The following GAB3 variants were observed in gnomAD, a reference collection of about 807,000 sequenced individuals.
The protein encoded by GAB3 is GRB2-associated-binding protein 3.
GAB3 carries 12 observed loss-of-function variants against 40.4 expected under a neutral mutation model. The ratio of observed to expected loss-of-function variants is 0.30; its 90% CI spans 0.19 to 0.48. GAB3 has a LOEUF of 0.48. Ranked by LOEUF, GAB3 falls within the 20% of genes least tolerant of loss-of-function variation. The pLI, the probability that GAB3 is intolerant of heterozygous loss-of-function variation, is 0.99. For synonymous variants in GAB3, 154 were observed against 176.7 expected (o/e 0.87, Z 1.02); for missense variants, 381 against 461.9 (o/e 0.82, Z 1.61).
chrX:154,700,194 A>G, intron 4 of GAB3, 135 bp from the exon 5 acceptor site: 2 of 472,639 alleles, frequency 4.2e-6, no homozygotes, highest in Non-Finnish European at 7.2e-6. Flanking sequence ...TTTCCCCAAC[A>G]GATGAAAAAT....
rs1435574138 is a variant in GAB3, at chrX:154,676,634, G to T, written c.*1544C>A. Reference sequence around the variant, plus strand: ...TCTTTGAAAATCAAAATGACTTCTTGTATGGTCTGAAAAAAGAAGACTTTG... The same window carrying T: ...TCTTTGAAAATCAAAATGACTTCTTTTATGGTCTGAAAAAAGAAGACTTTG... On this transcript the variant is annotated 3_prime_UTR_variant, in exon 10 of 10. Transcript: ENST00000424127. 1.8e-5 allele frequency: 2 copies of T among 112,172 alleles called. No homozygotes were observed. Among genetic ancestry groups the T allele is most frequent in the Non-Finnish European group, 3.8e-5 (2 of 53,183 alleles). The allele number at this position is 112,172 out of a possible 1,213,427, so 9.2% of individuals were successfully genotyped here.
In GAB3 at chrX:154,687,633, CAAAAAAAAAAAA is replaced by C. The variant is rs144999605; in HGVS notation, c.1531-7397_1531-7386del. Reference sequence around the variant, plus strand: ...TGGGTGACAGAGCGAGACTCTGTCTCAAAAAAAAAAAAAAAAAAAAAAAAGTCTTAGCAGGAT... The same window carrying C: ...TGGGTGACAGAGCGAGACTCTGTCTCAAAAAAAAAAAAGTCTTAGCAGGAT... On this transcript the variant is annotated intron_variant, in intron 8 of 9. Transcript: ENST00000424127. 1.3e-4 allele frequency among the ~76,000 whole-genome samples: 3 copies of C among 23,393 alleles called. No homozygotes were observed. In the East Asian group the frequency reaches 4.2e-3, roughly 33 times the overall value. 20.3% of individuals were successfully genotyped at this position (23,393 alleles called of 115,157 possible).
At chrX:154,700,522 A>G (rs73561405) in intron 4 of GAB3, among the ~76,000 whole-genome samples, 2,679 of 111,618 alleles carry the variant, frequency 0.024, 76 homozygotes, top group African/African-American at 0.082. Context: ...TTAGAAACTC[A>G]TCAGATGGAT....
intron 1 of GAB3, among the ~76,000 whole-genome samples, chrX:154,747,613 G>A (rs2052563508): frequency 9.0e-6 from 1 of 111,716 alleles, no homozygotes; most frequent in Non-Finnish European, 1.9e-5. Flanking sequence ...CCAGCCTGCG[G>A]GCAACATGGA....
intron 1 of GAB3, among the ~76,000 whole-genome samples, chrX:154,750,618 G>C (rs923171818): frequency 3.6e-5 from 4 of 112,310 alleles, no homozygotes; most frequent in Non-Finnish European, 5.7e-5. Context: ...CAAAGAAAGG[G>C]GCACGCTTTC....
rs1557245340 is a variant in GAB3 at position 154,675,812 on chromosome X, C to G, written c.*2366G>C. ...TCTCACACACACACATCGATCATCT[C>G]CACCAAAACCAATATTTTGACTTAT... On this transcript the variant is annotated 3_prime_UTR_variant, in exon 10 of 10. Coordinates refer to ENST00000424127, the MANE Select transcript of GAB3 (RefSeq NM_001081573.3). 9.0e-6 allele frequency: 1 copy of G among 111,697 alleles called. No homozygotes were observed. Among genetic ancestry groups the G allele is most frequent in the African/African-American group, 3.3e-5 (1 of 30,663 alleles). The allele number at this position is 111,697 out of a possible 1,213,427, so 9.2% of individuals were successfully genotyped here.
chrX:154,693,603 G>A (rs1557249904), intron 8 of GAB3, among the ~76,000 whole-genome samples: 1 of 111,751 alleles, frequency 8.9e-6, no homozygotes, highest in Non-Finnish European at 1.9e-5. Context: ...GGAGGATGTG[G>A]CTCTAAAGAG....
chrX:154,734,935 A>G (rs782067940), intron 1 of GAB3, among the ~76,000 whole-genome samples: 95 of 112,308 alleles, frequency 8.5e-4, no homozygotes, highest in African/African-American at 2.9e-3. Flanking sequence ...TTAATCTTCT[A>G]TGTTGAATTA....
intron 6 of GAB3, 25 bp from the exon 7 acceptor site, chrX:154,697,238 G>A (rs782804897): frequency 9.5e-7 from 1 of 1,053,158 alleles, no homozygotes; most frequent in Non-Finnish European, 1.3e-6. Context: ...GCAACATCCA[G>A]GAGGTCAAGG....
In GAB3 at chrX:154,699,931, T is replaced by C; in HGVS notation, c.1125+73A>G. 3.5e-6 allele frequency: 3 copies of C among 850,245 alleles called. No individual in the cohort carries two copies. In the East Asian group the frequency reaches 9.3e-5, roughly 26 times the overall value. The allele number at this position is 850,245 out of a possible 1,213,427, so 70.1% of individuals were successfully genotyped here. On this transcript the variant is annotated intron_variant, in intron 5 of 9. Coordinates refer to ENST00000424127, the MANE Select transcript of GAB3 (RefSeq NM_001081573.3). ...CTCAGAGTGCTGAATCTTAAAGATT[T>C]CAAGGGAATATACATAGATCAAGCT...
intron 9 of GAB3, 65 bp downstream of exon 9, chrX:154,680,067 T>C: frequency 2.7e-6 from 2 of 734,734 alleles, no homozygotes. Context: ...CATGGTTTGA[T>C]AATCAGAAAA....
chrX:154,689,460 A>C (rs1412399059), intron 8 of GAB3, among the ~76,000 whole-genome samples: 1 of 111,182 alleles, frequency 9.0e-6, no homozygotes. Context: ...CAATTAGGAA[A>C]AGAGGAAGTC....
chrX:154,692,127 C>A (rs945752628), intron 8 of GAB3, among the ~76,000 whole-genome samples: 1 of 111,357 alleles, frequency 9.0e-6, no homozygotes, highest in Non-Finnish European at 1.9e-5. Context: ...ATGGATATGA[C>A]GCCAAAAGCA....
chrX:154,717,586 G>A (rs1458153056), intron 1 of GAB3, among the ~76,000 whole-genome samples: 1 of 112,113 alleles, frequency 8.9e-6, no homozygotes, highest in African/African-American at 3.2e-5. Context: ...AGATTTGACA[G>A]GTCTCTTTTT....
Position 154,721,723 on chromosome X carries a change from A to G in GAB3, c.73-5394T>C, listed in dbSNP as rs782310672. Among the ~76,000 whole-genome samples the G allele has an allele frequency of 2.7e-5, 3 of 112,665 alleles. No homozygotes were observed. The East Asian group carries it at 8.3e-4, about 31-fold the overall frequency. On this transcript the variant is annotated intron_variant, in intron 1 of 9. Transcript: ENST00000424127. Reference sequence around the variant, plus strand: ...AAACCACAATGAGATATCACTTCATATTCATCAGAATGGCAATTATCAAAA... The same window carrying G: ...AAACCACAATGAGATATCACTTCATGTTCATCAGAATGGCAATTATCAAAA...
At chrX:154,718,420 C>A (rs2071079191) in intron 1 of GAB3, among the ~76,000 whole-genome samples, 1 of 110,656 alleles carries the variant, frequency 9.0e-6, no homozygotes, top group Non-Finnish European at 1.9e-5. Flanking sequence ...ACAAGGAGAC[C>A]ATCTCAGGAG....
chrX:154,694,230 A>G (rs1557250065), intron 8 of GAB3, among the ~76,000 whole-genome samples: 1 of 111,951 alleles, frequency 8.9e-6, no homozygotes, highest in Non-Finnish European at 1.9e-5. Context: ...TTTATACGAC[A>G]GTTCCCAGAT....
intron 1 of GAB3, 97 bp downstream of exon 1, chrX:154,750,857 G>T: frequency 1.9e-6 from 1 of 520,464 alleles, no homozygotes; most frequent in Non-Finnish European, 2.4e-6. Flanking sequence ...GAGCGGCTGC[G>T]CCTGGCGCGC....
upstream of GAB3, chrX:154,751,145 C>A (rs2071610437): frequency 1.6e-6 from 1 of 635,305 alleles, no homozygotes; most frequent in African/African-American, 2.5e-5. Flanking sequence ...CCCGAGCGGC[C>A]GCTGCGACCC....
Sources: gnomAD v4.1 joint callset for allele counts (sites outside exome capture counted in the v4.1 genomes callset) on GRCh38, gnomAD v4.1.1 for gene constraint, MANE v1.5 for transcripts, NCBI Gene and HGNC (gene_info 2026-07-23, HGNC 2026-07-21) for gene names.